The following SLC8A1 variants were observed in gnomAD, a reference collection of about 807,000 sequenced individuals.
The protein encoded by SLC8A1 is solute carrier family 8 member A1, also known as sodium/calcium exchanger 1.
SLC8A1 carries 18 observed loss-of-function variants against 68.3 expected under a neutral mutation model. The observed-to-expected ratio is 0.26, with a 90% CI of 0.18 to 0.39. SLC8A1 has a LOEUF of 0.39. Ranked by LOEUF, SLC8A1 falls within the 10% of genes least tolerant of loss-of-function variation. The pLI is 1.00. For missense variants in SLC8A1, 985 were observed against 1,156.7 expected (o/e 0.85, Z 2.15); for synonymous variants, 475 against 415.5 (o/e 1.14, Z -1.74).
chr2:40,259,368 C>T (rs1315628430), intron 2 of SLC8A1, among the ~76,000 whole-genome samples: 1 of 152,212 alleles, frequency 6.6e-6, no homozygotes, highest in Non-Finnish European at 1.5e-5. Context: ...TAACAGAAGT[C>T]CTACCCTCTA....
chr2:40,387,745 C>A (rs1209381788), intron 2 of SLC8A1, among the ~76,000 whole-genome samples: 1 of 146,360 alleles, frequency 6.8e-6, no homozygotes, highest in Non-Finnish European at 1.5e-5. Context: ...TGAGACCAGC[C>A]TGGCCAACAT....
chr2:40,182,197 G>A (rs912649171), intron 2 of SLC8A1, among the ~76,000 whole-genome samples: 1 of 152,124 alleles, frequency 6.6e-6, no homozygotes, highest in African/African-American at 2.4e-5. Context: ...AATCAAGACT[G>A]GAACTGTTGG....
At chr2:40,248,357 T>A (rs1456933609) in intron 2 of SLC8A1, among the ~76,000 whole-genome samples, 1 of 152,032 alleles carries the variant, frequency 6.6e-6, no homozygotes, top group African/African-American at 2.4e-5. Flanking sequence ...CTTTGGGAAG[T>A]GATTAGGTCA....
chr2:40,191,653 C>T (rs1013687059), intron 2 of SLC8A1, among the ~76,000 whole-genome samples: 1 of 152,138 alleles, frequency 6.6e-6, no homozygotes, highest in Admixed American at 6.6e-5. Context: ...CTGGACCAAA[C>T]AGTGAGAAAG....
intron 1 of SLC8A1, among the ~76,000 whole-genome samples, chr2:40,462,788 T>C (rs777322642): frequency 4.6e-5 from 7 of 152,030 alleles, no homozygotes; most frequent in African/African-American, 7.2e-5. Flanking sequence ...GCCTGGGTGA[T>C]AGAGTGAGAC....
rs144267565 is a variant in SLC8A1 at position 40,402,070 on chromosome 2, C to T, written c.1808+26403G>A. On this transcript the variant is annotated intron_variant, in intron 2 of 7. Coordinates refer to ENST00000406785, the Ensembl canonical transcript of SLC8A1. ...CTGCATTCTCAAGTGGTGAGGCATT[C>T]TTAGTCACAGGACGCGATACAGGTC... Among the ~76,000 whole-genome samples, 4 of 152,268 alleles carry T rather than the reference C, an allele frequency of 2.6e-5. No individual in the cohort carries two copies. The East Asian group carries it at 7.7e-4, about 29-fold the overall frequency.
At chr2:40,222,969 A>G (rs372121905) in intron 2 of SLC8A1, among the ~76,000 whole-genome samples, 71 of 152,322 alleles carry the variant, frequency 4.7e-4, no homozygotes, top group African/African-American at 1.6e-3. Context: ...GCGATTCCTC[A>G]AGGATCTAGA....
intron 2 of SLC8A1, among the ~76,000 whole-genome samples, chr2:40,425,851 T>C (rs1185521561): frequency 6.6e-6 from 1 of 151,966 alleles, no homozygotes; most frequent in East Asian, 1.9e-4. Context: ...CACAACTCCA[T>C]TTGACCCAGC....
At chr2:40,121,215 C>T (rs909546892) in intron 7 of SLC8A1, among the ~76,000 whole-genome samples, 11 of 152,150 alleles carry the variant, frequency 7.2e-5, no homozygotes, top group Admixed American at 5.9e-4. Context: ...GGACGGGATA[C>T]AGAAATACAC....
intron 6 of SLC8A1, among the ~76,000 whole-genome samples, chr2:40,148,970 C>T (rs961895855): frequency 6.6e-6 from 1 of 152,186 alleles, no homozygotes; most frequent in Non-Finnish European, 1.5e-5. Context: ...AGTAACCATG[C>T]ATCACGATGT....
chr2:40,308,717 C>T lies in SLC8A1; in HGVS notation c.1808+119756G>A, dbSNP rs992778733. Among the ~76,000 whole-genome samples the T allele has an allele frequency of 2.0e-5, 3 of 152,078 alleles. No individual in the cohort carries two copies. The South Asian group carries it at 6.3e-4, about 32-fold the overall frequency. On this transcript the variant is annotated intron_variant, in intron 2 of 7. Coordinates refer to ENST00000406785, the Ensembl canonical transcript of SLC8A1. ...GGCTCGCAGTTATTTCCAATAGGGG[C>T]TCAGTCCTATGGGGGAAAGGGAGTC...
intron 2 of SLC8A1, among the ~76,000 whole-genome samples, chr2:40,253,831 CAAAAAAAAAAA>C (rs61434245): frequency 1.7e-4 from 10 of 59,840 alleles, no homozygotes; most frequent in East Asian, 1.1e-3. Context: ...TGTCTGTCTC[CAAAAAAAAAAA>C]AAAAAAAAAA....
chr2:40,393,437 G>A (rs1344733815), intron 2 of SLC8A1, among the ~76,000 whole-genome samples: 3 of 152,056 alleles, frequency 2.0e-5, no homozygotes, highest in Non-Finnish European at 2.9e-5. Context: ...GTTCAAGGGT[G>A]GAATTGCTAT....
At position 40,174,810 on chromosome 2, in the gene SLC8A1, T is replaced by C. The variant is rs778519070; in HGVS notation, c.1930+15A>G. ...CAGTAAAAGTTAGATAGCATTAGAC[T>C]TGAAAAATTCATACCTGTTATTGTG... On this transcript the variant is annotated intron_variant, in intron 4 of 7. Coordinates refer to ENST00000406785, the Ensembl canonical transcript of SLC8A1. 8.7e-6 allele frequency: 14 copies of C among 1,609,230 alleles called. No individual in the cohort carries two copies. Among genetic ancestry groups the C allele is most frequent in the Non-Finnish European group, 1.2e-5 (14 of 1,176,162 alleles).
chr2:40,306,848 A>G (rs2072718292), intron 2 of SLC8A1, among the ~76,000 whole-genome samples: 1 of 152,166 alleles, frequency 6.6e-6, no homozygotes. Context: ...AATACTTTCC[A>G]CCAATCTATG....
At chr2:40,376,214 G>C (rs913254185) in intron 2 of SLC8A1, among the ~76,000 whole-genome samples, 5 of 151,906 alleles carry the variant, frequency 3.3e-5, no homozygotes, top group Non-Finnish European at 7.4e-5. Flanking sequence ...AGTATTTGTG[G>C]CCAACCTTAA....
intron 2 of SLC8A1, among the ~76,000 whole-genome samples, chr2:40,305,524 T>G (rs1242132312): frequency 2.0e-5 from 3 of 152,212 alleles, no homozygotes; most frequent in African/African-American, 7.2e-5. Context: ...ATAGAAGCTA[T>G]GTATACACTA....
intron 7 of SLC8A1, among the ~76,000 whole-genome samples, chr2:40,137,701 G>A (rs936124249): frequency 6.6e-6 from 1 of 152,088 alleles, no homozygotes; most frequent in African/African-American, 2.4e-5. Context: ...GGACCAATAT[G>A]GAACTGCTGG....
chr2:40,210,050 C>G (rs1043065281), intron 2 of SLC8A1: 4 of 152,126 alleles, frequency 2.6e-5, no homozygotes, highest in Non-Finnish European at 4.4e-5. Flanking sequence ...TTTGCTAGTT[C>G]TAATCTAATC....
Sources: allele counts gnomAD v4.1 joint callset (sites outside exome capture counted in the v4.1 genomes callset), GRCh38; gene constraint gnomAD v4.1.1; transcripts MANE v1.5; gene names NCBI Gene and HGNC (gene_info 2026-07-23, HGNC 2026-07-21).